Variants in TMEM266 observed in about 807,000 individuals in gnomAD.
TMEM266 encodes the protein transmembrane protein 266, also known as Hv1 related protein 1.
Under a neutral mutation model 50.5 loss-of-function variants are expected in TMEM266, and 33 were observed. The ratio of observed to expected loss-of-function variants is 0.65; its 90% CI spans 0.50 to 0.87. The LOEUF (loss-of-function observed/expected upper bound fraction) is 0.87. Among genes scored for constraint, TMEM266 ranks in the 40% least tolerant of loss-of-function variants. The pLI, the probability that TMEM266 is intolerant of heterozygous loss-of-function variation, is 0.00. For synonymous variants in TMEM266, 310 were observed against 292.3 expected (o/e 1.06, Z -0.62); for missense variants, 655 against 695.1 (o/e 0.94, Z 0.65).
Position 76,192,034 on chromosome 15 carries a change from G to C in TMEM266, c.835G>C (p.Ala279Pro). 1.9e-6 allele frequency: 3 copies of C among 1,566,034 alleles called. No individual in the cohort carries two copies. The highest frequency in any genetic ancestry group is 2.6e-6 in the Non-Finnish European group (3 of 1,162,072). ...CCTGGACCTGGCTGCCGAGCGCGAA[G>C]CGGCGCTCCAGGCCCCGCACGTGCT... Residue 279 changes from alanine (A) to proline (P), a missense_variant, in exon 9 of 11, where the codon GCG becomes CCG. Ala to Pro is a conservative substitution (Grantham distance 27). Coordinates refer to ENST00000388942, the MANE Select transcript of TMEM266 (RefSeq NM_152335.3).
intron 1 of TMEM266, among the ~76,000 whole-genome samples, chr15:76,075,674 CA>C (rs2036594615): frequency 6.6e-6 from 1 of 151,842 alleles, no homozygotes; most frequent in Admixed American, 6.6e-5. Flanking sequence ...AAATGAATCA[CA>C]CCACAGCCCT....
chr15:76,064,171 G>T (rs1231351144), intron 1 of TMEM266, among the ~76,000 whole-genome samples: 1 of 152,204 alleles, frequency 6.6e-6, no homozygotes, highest in Non-Finnish European at 1.5e-5. Context: ...AGGAAAAGGA[G>T]CCTACGGTCA....
chr15:76,082,143 C>T (rs2036703308), intron 1 of TMEM266, among the ~76,000 whole-genome samples: 1 of 152,212 alleles, frequency 6.6e-6, no homozygotes, highest in African/African-American at 2.4e-5. Flanking sequence ...CTGTAGCCTG[C>T]TCAAAATACA....
At chr15:76,169,030 C>T (rs1305448545) in intron 5 of TMEM266, among the ~76,000 whole-genome samples, 1 of 152,164 alleles carries the variant, frequency 6.6e-6, no homozygotes, top group Admixed American at 6.5e-5. Flanking sequence ...ATAGGTAAGG[C>T]TTGGGGTTGT....
intron 1 of TMEM266, among the ~76,000 whole-genome samples, chr15:76,061,422 G>A (rs1342046293): frequency 2.0e-5 from 3 of 152,240 alleles, no homozygotes; most frequent in Non-Finnish European, 4.4e-5. Context: ...GTCAGGGACA[G>A]GGTAAGGATG....
chr15:76,182,184 G>A (rs1010527883), intron 8 of TMEM266, among the ~76,000 whole-genome samples: 4 of 152,146 alleles, frequency 2.6e-5, no homozygotes, highest in African/African-American at 9.7e-5. Flanking sequence ...CAGCAAGCCA[G>A]ATTCAAACCT....
intron 1 of TMEM266, among the ~76,000 whole-genome samples, chr15:76,074,360 C>T (rs537910229): frequency 6.6e-6 from 1 of 152,148 alleles, no homozygotes; most frequent in East Asian, 1.9e-4. Context: ...GTGCAGTCGT[C>T]ACCACCATCC....
chr15:76,124,670 G>A (rs987179464), intron 1 of TMEM266, among the ~76,000 whole-genome samples: 4 of 152,022 alleles, frequency 2.6e-5, no homozygotes, highest in African/African-American at 9.7e-5. Context: ...ATAATAGTGC[G>A]TGCCTGTTGT....
rs139841140 is a variant in TMEM266, at chr15:76,192,520, G to A, written c.958+363G>A. Among the ~76,000 whole-genome samples, 1,402 of 152,292 alleles carry A rather than the reference G, an allele frequency of 9.2e-3. 8 individuals are homozygous for A. The highest frequency in any genetic ancestry group is 0.016 in the Non-Finnish European group (1,071 of 68,024). On this transcript the variant is annotated intron_variant, in intron 9 of 10. Transcript: ENST00000388942. ...CCGAGACCCAGGAAAGCCGTCCAAA[G>A]GCGCATCGCTAATAAGTGGCAGAGC...
intron 1 of TMEM266, among the ~76,000 whole-genome samples, chr15:76,132,165 G>A (rs1016129583): frequency 7.9e-5 from 12 of 151,518 alleles, no homozygotes; most frequent in Admixed American, 2.0e-4. Flanking sequence ...CTGGAGTGCA[G>A]TGGCGTGATC....
At position 76,082,892 on chromosome 15, in the gene TMEM266, C is replaced by A. The variant is rs138257384; in HGVS notation, c.-97+22876C>A. On this transcript the variant is annotated intron_variant, in intron 1 of 10. Transcript: ENST00000388942. ...GCTGAGACAGGAGAATCACTTGAGC[C>A]CAGGAGGAGGAGGTTGCAGTGAGCG... Among the ~76,000 whole-genome samples, 97 of 152,132 alleles carry A rather than the reference C, an allele frequency of 6.4e-4. 1 individual carries two copies. The East Asian group carries it at 0.017, about 27-fold the overall frequency.
intron 8 of TMEM266, among the ~76,000 whole-genome samples, chr15:76,178,339 G>C (rs982253378): frequency 6.6e-6 from 1 of 152,148 alleles, no homozygotes; most frequent in African/African-American, 2.4e-5. Flanking sequence ...GCAGGGAAGT[G>C]GGGAAAGTAA....
chr15:76,067,008 A>T (rs531445493), intron 1 of TMEM266, among the ~76,000 whole-genome samples: 1 of 152,214 alleles, frequency 6.6e-6, no homozygotes, highest in South Asian at 2.1e-4. Context: ...TGACAACCAA[A>T]AATGTCTCCA....
At chr15:76,196,167 T>C (rs904473173) in intron 9 of TMEM266, among the ~76,000 whole-genome samples, 1 of 152,150 alleles carries the variant, frequency 6.6e-6, no homozygotes, top group African/African-American at 2.4e-5. Context: ...AGGCCTCCCA[T>C]AGAGGTGCCA....
At chr15:76,120,230 A>C (rs543904088) in intron 1 of TMEM266, among the ~76,000 whole-genome samples, 17 of 152,310 alleles carry the variant, frequency 1.1e-4, no homozygotes, top group African/African-American at 3.8e-4. Flanking sequence ...AAATCTAAAA[A>C]GAAACCGTAT....
intron 9 of TMEM266, among the ~76,000 whole-genome samples, chr15:76,194,160 C>T (rs2038622374): frequency 6.6e-6 from 1 of 152,252 alleles, no homozygotes; most frequent in Non-Finnish European, 1.5e-5. Context: ...GTCCCAGCAG[C>T]CCAGCCTTGG....
chr15:76,137,982 G>A, intron 3 of TMEM266, 87 bp downstream of exon 3: 1 of 1,357,792 alleles, frequency 7.4e-7, no homozygotes. Flanking sequence ...AGCACTTTGG[G>A]AGGCAGAGGC....
chr15:76,140,405 G>T lies in TMEM266; in HGVS notation c.227+2510G>T, dbSNP rs553844695. Reference sequence around the variant, plus strand: ...AAAATGTCCAACCCGGCCCTTTCTGGGGCAATGGAAAACAAAAGGAAGAGT... The same window carrying T: ...AAAATGTCCAACCCGGCCCTTTCTGTGGCAATGGAAAACAAAAGGAAGAGT... On this transcript the variant is annotated intron_variant, in intron 3 of 10. Coordinates refer to ENST00000388942, the MANE Select transcript of TMEM266 (RefSeq NM_152335.3). Among the ~76,000 whole-genome samples, 7 of 152,334 alleles carry T rather than the reference G, an allele frequency of 4.6e-5. No individual in the cohort carries two copies. In the South Asian group the frequency reaches 1.2e-3, roughly 27 times the overall value.
At chr15:76,159,930 G>T (rs549007385) in intron 4 of TMEM266, among the ~76,000 whole-genome samples, 165 bp from the exon 5 acceptor site, 1 of 152,262 alleles carries the variant, frequency 6.6e-6, no homozygotes, top group South Asian at 2.1e-4. Context: ...CACTGCAGAC[G>T]CCAGCTGAAG....
Sources: allele counts gnomAD v4.1 joint callset (sites outside exome capture counted in the v4.1 genomes callset), GRCh38; gene constraint gnomAD v4.1.1; transcripts MANE v1.5; gene names NCBI Gene and HGNC (gene_info 2026-07-23, HGNC 2026-07-21).